Variants in SMARCA2 observed in about 807,000 individuals in gnomAD.
SMARCA2 encodes SWI/SNF-related matrix-associated actin-dependent regulator of chromatin subfamily A member 2.
In SMARCA2, 61 loss-of-function variants were observed where a neutral mutation model predicts 199.8. The observed-to-expected ratio is 0.31, with a 90% CI of 0.25 to 0.38. SMARCA2 has a LOEUF of 0.38. Among genes scored for constraint, SMARCA2 ranks in the 10% least tolerant of loss-of-function variants. The pLI is 1.00. For missense variants in SMARCA2, 1,344 were observed against 2,012.2 expected, an observed-to-expected ratio of 0.67 and a Z score of 6.35; for synonymous variants, 935 against 732.0, an observed-to-expected ratio of 1.28 and a Z score of -4.48.
chr9:2,082,109 T>G, intron 15 of SMARCA2, 114 bp downstream of exon 15: 1 of 844,876 alleles, frequency 1.2e-6, no homozygotes, highest in Admixed American at 2.4e-5. Flanking sequence ...CTAACCTAAA[T>G]CCAGATTACC....
At chr9:2,065,172 G>A (rs189534569) in intron 9 of SMARCA2, among the ~76,000 whole-genome samples, 75 of 152,092 alleles carry the variant, frequency 4.9e-4, no homozygotes, top group Admixed American at 5.9e-4. Flanking sequence ...GCGACAGAGC[G>A]AGACTCTGTC....
At chr9:2,085,281 T>G (rs1380713139) in intron 17 of SMARCA2, among the ~76,000 whole-genome samples, 1 of 152,202 alleles carries the variant, frequency 6.6e-6, no homozygotes, top group Non-Finnish European at 1.5e-5. Flanking sequence ...TTGAGATCCT[T>G]TTAAAAAAAT....
At chr9:2,109,513 T>A (rs80090101) in intron 23 of SMARCA2, among the ~76,000 whole-genome samples, 2,577 of 152,256 alleles carry the variant, frequency 0.017, 63 homozygotes, top group African/African-American at 0.058. Context: ...TCAGACCCCA[T>A]GGGGCAAACC....
intron 29 of SMARCA2, among the ~76,000 whole-genome samples, chr9:2,180,079 C>T (rs754523266): frequency 2.0e-5 from 3 of 152,226 alleles, no homozygotes; most frequent in Middle Eastern, 3.4e-3. Context: ...ACGCATTTCT[C>T]GAAGAGATGT....
At chr9:2,150,091 A>G (rs1170348407) in intron 27 of SMARCA2, among the ~76,000 whole-genome samples, 2 of 151,468 alleles carry the variant, frequency 1.3e-5, no homozygotes, top group African/African-American at 4.8e-5. Flanking sequence ...TTGCTAACCA[A>G]ATACTTGTGT....
At chr9:2,141,178 AC>A (rs1824444684) in intron 27 of SMARCA2, among the ~76,000 whole-genome samples, 2 of 99,898 alleles carry the variant, frequency 2.0e-5, no homozygotes, top group South Asian at 5.5e-4. Flanking sequence ...GCCAAATTAG[AC>A]CCTTTCTCTC....
intron 27 of SMARCA2, among the ~76,000 whole-genome samples, chr9:2,139,001 C>G (rs990507420): frequency 1.1e-4 from 17 of 152,174 alleles, no homozygotes; most frequent in African/African-American, 3.9e-4. Flanking sequence ...AGTAACTGGT[C>G]AAATGTGTAG....
At chr9:2,188,110 G>C (rs908992032) in intron 32 of SMARCA2, among the ~76,000 whole-genome samples, 7 of 151,978 alleles carry the variant, frequency 4.6e-5, no homozygotes, top group African/African-American at 1.7e-4. Flanking sequence ...CAGATGATTT[G>C]GAAAATGTAA....
chr9:2,050,241 CT>C (rs1186468748), intron 5 of SMARCA2, among the ~76,000 whole-genome samples: 1 of 152,080 alleles, frequency 6.6e-6, no homozygotes, highest in Non-Finnish European at 1.5e-5. Context: ...AAATTGGATC[CT>C]TTCTTTTTGA....
intron 21 of SMARCA2, among the ~76,000 whole-genome samples, chr9:2,098,103 G>T (rs12005110): frequency 2.6e-5 from 4 of 152,056 alleles, no homozygotes; most frequent in African/African-American, 9.7e-5. Flanking sequence ...TCACCCCAGT[G>T]GGCACAATTG....
At chr9:2,106,936 A>G (rs1045026581) in intron 23 of SMARCA2, among the ~76,000 whole-genome samples, 6 of 152,166 alleles carry the variant, frequency 3.9e-5, no homozygotes, top group Non-Finnish European at 5.9e-5. Flanking sequence ...CAGTTGCCCT[A>G]TTAATTGTAT....
chr9:2,044,445 T>G (rs1327839822), intron 4 of SMARCA2: 1 of 152,366 alleles, frequency 6.6e-6, no homozygotes, highest in South Asian at 2.1e-4. Flanking sequence ...GCTAATATGG[T>G]ACCGAATTTC....
chr9:2,104,589 CATTT>C lies in SMARCA2; in HGVS notation c.3292+422_3292+425del, dbSNP rs1822671534. Among the ~76,000 whole-genome samples the C allele has an allele frequency of 6.6e-6, 1 of 152,130 alleles. No homozygotes were observed. Among genetic ancestry groups the C allele is most frequent in the Non-Finnish European group, 1.5e-5 (1 of 68,028 alleles). On this transcript the variant is annotated intron_variant, in intron 23 of 33. Transcript: ENST00000349721. The surrounding 1 kb of genome is among the most constrained non-coding windows in gnomAD (Gnocchi z 4.0). ...TTTTCTTTGTAACAATACAATCATT[CATTT>C]AAGATTATATTTATCATTAAAGCCC... is the stretch of plus-strand genomic sequence containing the variant.
chr9:2,041,269 A>C (rs1049323218), intron 4 of SMARCA2: 1 of 398,496 alleles, frequency 2.5e-6, no homozygotes. Flanking sequence ...AGTAAGTCTG[A>C]GCTGCTGTAA....
At chr9:2,176,193 T>TTTTGTTTTTTTTTTTTTTTTG (rs1826589827) in intron 29 of SMARCA2, among the ~76,000 whole-genome samples, 2 of 150,546 alleles carry the variant, frequency 1.3e-5, no homozygotes, top group African/African-American at 4.9e-5. Context: ...TTTTTTTTTT[T>TTTTGTTTTTTTTTTTTTTTTG]TTTTTTTTTT....
intron 4 of SMARCA2, chr9:2,043,591 T>C (rs1431978508): frequency 6.6e-6 from 1 of 152,220 alleles, no homozygotes; most frequent in Non-Finnish European, 1.5e-5. Context: ...TTTAAATGTT[T>C]TATTGCGTTT....
At chr9:2,049,591 G>C (rs1165222584) in intron 5 of SMARCA2, among the ~76,000 whole-genome samples, 1 of 152,156 alleles carries the variant, frequency 6.6e-6, no homozygotes, top group African/African-American at 2.4e-5. Context: ...GAAAGGTCAT[G>C]GGTCCTTTGG....
intron 27 of SMARCA2, among the ~76,000 whole-genome samples, chr9:2,132,074 G>A (rs1306421722): frequency 1.3e-5 from 2 of 152,158 alleles, no homozygotes; most frequent in Non-Finnish European, 2.9e-5. Context: ...AGCTCTCTGA[G>A]TTGGCCTCTC....
chr9:2,074,157 C>G (rs1032140894), intron 12 of SMARCA2, among the ~76,000 whole-genome samples: 2 of 152,012 alleles, frequency 1.3e-5, no homozygotes, highest in Non-Finnish European at 2.9e-5. Context: ...ACTTGTTATC[C>G]AAAGAGAAGC....
Sources: gnomAD v4.1 joint callset for allele counts (sites outside exome capture counted in the v4.1 genomes callset) on GRCh38, gnomAD v4.1.1 for gene constraint, Gnocchi (gnomAD v3.1) non-coding constraint, MANE v1.5 for transcripts, NCBI Gene and HGNC (gene_info 2026-07-23, HGNC 2026-07-21) for gene names.